TAFA1: variants seen among roughly 807,000 people sequenced by gnomAD.
The protein encoded by TAFA1 is TAFA chemokine like family member 1.
A neutral mutation model predicts 18.5 loss-of-function variants in TAFA1; 4 were observed. The observed-to-expected ratio is 0.22, with a 90% CI of 0.11 to 0.49. TAFA1 has a LOEUF of 0.49. TAFA1 is among the 20% of genes least tolerant of loss of function. The pLI is 0.98. For synonymous variants in TAFA1, 56 were observed against 55.2 expected (o/e 1.01, Z -0.06); for missense variants, 147 against 169.0 (o/e 0.87, Z 0.72).
chr3:68,149,168 A>C (rs866354472), intron 2 of TAFA1, among the ~76,000 whole-genome samples: 1 of 152,148 alleles, frequency 6.6e-6, no homozygotes, highest in African/African-American at 2.4e-5. Flanking sequence ...TGAAGCTTGG[A>C]GATATTAATA....
chr3:68,180,748 A>C (rs1277437937), intron 2 of TAFA1, among the ~76,000 whole-genome samples: 2 of 111,764 alleles, frequency 1.8e-5, no homozygotes, highest in African/African-American at 5.4e-5. Flanking sequence ...GAATAGCAAC[A>C]TCACCTATGT....
At chr3:68,159,643 G>A (rs1440474621) in intron 2 of TAFA1, among the ~76,000 whole-genome samples, 1 of 151,978 alleles carries the variant, frequency 6.6e-6, no homozygotes, top group East Asian at 1.9e-4. Context: ...GCAAATTCCA[G>A]AACAGAACTC....
intron 2 of TAFA1, among the ~76,000 whole-genome samples, chr3:68,373,874 C>T (rs530228015): frequency 6.6e-6 from 1 of 152,320 alleles, no homozygotes; most frequent in South Asian, 2.1e-4. Context: ...TTAGGACTCC[C>T]TTTCATGAGC....
intron 2 of TAFA1, among the ~76,000 whole-genome samples, chr3:68,225,638 A>G (rs1046720616): frequency 1.3e-5 from 2 of 152,194 alleles, no homozygotes; most frequent in Non-Finnish European, 2.9e-5. Flanking sequence ...CAGAGTAGGT[A>G]GCCAGAGTGG....
intron 2 of TAFA1, among the ~76,000 whole-genome samples, chr3:68,378,019 A>G (rs1463342200): frequency 2.6e-5 from 4 of 152,218 alleles, no homozygotes; most frequent in Non-Finnish European, 4.4e-5. Context: ...GTCCAGGCAG[A>G]AGTCTGCTTC....
In TAFA1 at chr3:68,245,286, G is replaced by C. The variant is rs1238721958; in HGVS notation, c.119-171994G>C. 5.9e-5 allele frequency among the ~76,000 whole-genome samples: 9 copies of C among 152,228 alleles called. No homozygotes were observed. In the East Asian group the frequency reaches 1.2e-3, roughly 20 times the overall value. The stretch of plus-strand genomic sequence containing the variant: ...GCACAGTTTTGCTCCCTTTTACTTG[G>C]TTTGTATTTAACAGAACTTCTTCCA... On this transcript the variant is annotated intron_variant, in intron 2 of 4. Coordinates refer to ENST00000478136, the MANE Select transcript of TAFA1 (RefSeq NM_213609.4).
chr3:68,271,347 T>G (rs1477103005), intron 2 of TAFA1, among the ~76,000 whole-genome samples: 3 of 152,072 alleles, frequency 2.0e-5, no homozygotes, highest in Admixed American at 6.6e-5. Context: ...TTTGCCTTAC[T>G]CACACTCCAT....
At chr3:68,117,861 A>G (rs1183452639) in intron 2 of TAFA1, among the ~76,000 whole-genome samples, 1 of 152,214 alleles carries the variant, frequency 6.6e-6, no homozygotes, top group Non-Finnish European at 1.5e-5. Flanking sequence ...TGCACAGCAT[A>G]CAATTTACTA....
At chr3:68,404,189 T>A (rs2070550674) in intron 2 of TAFA1, among the ~76,000 whole-genome samples, 1 of 152,138 alleles carries the variant, frequency 6.6e-6, no homozygotes, top group Non-Finnish European at 1.5e-5. Flanking sequence ...ATCCAGCTAA[T>A]AAAGGGTGGA....
At chr3:68,037,030 T>C (rs1017057240) in intron 2 of TAFA1, among the ~76,000 whole-genome samples, 1 of 152,204 alleles carries the variant, frequency 6.6e-6, no homozygotes, top group African/African-American at 2.4e-5. Flanking sequence ...TTGTTAGCTA[T>C]GTCACGATAA....
chr3:68,137,351 T>C (rs2065621087), intron 2 of TAFA1, among the ~76,000 whole-genome samples: 1 of 152,176 alleles, frequency 6.6e-6, no homozygotes, highest in Admixed American at 6.5e-5. Flanking sequence ...CCTTCAATGT[T>C]TTGGCTTTCT....
intron 3 of TAFA1, among the ~76,000 whole-genome samples, chr3:68,461,997 G>A (rs1359884821): frequency 1.3e-5 from 2 of 152,084 alleles, no homozygotes; most frequent in Non-Finnish European, 2.9e-5. Context: ...TAGTGATTGT[G>A]AGGCATTGAT....
At chr3:68,363,013 C>T (rs1238311226) in intron 2 of TAFA1, among the ~76,000 whole-genome samples, 1 of 96,118 alleles carries the variant, frequency 1.0e-5, no homozygotes, top group African/African-American at 4.1e-5. Context: ...TACAGTTTAA[C>T]TGTCCTGACT....
intron 3 of TAFA1, among the ~76,000 whole-genome samples, chr3:68,423,726 C>G (rs951844320): frequency 2.2e-4 from 32 of 147,902 alleles, no homozygotes; most frequent in Admixed American, 6.9e-5. Context: ...GCAGTTTTCT[C>G]TATTTAGGAT....
intron 2 of TAFA1, among the ~76,000 whole-genome samples, chr3:68,335,682 T>G (rs2068958773): frequency 6.6e-6 from 1 of 152,184 alleles, no homozygotes; most frequent in East Asian, 1.9e-4. Flanking sequence ...ATCCCAACTT[T>G]GGTAGGTTGA....
chr3:68,228,767 G>T (rs895994717), intron 2 of TAFA1, among the ~76,000 whole-genome samples: 3 of 152,180 alleles, frequency 2.0e-5, no homozygotes, highest in African/African-American at 7.2e-5. Context: ...TGGGAAATAT[G>T]CCAAGACTGG....
chr3:68,104,918 A>G (rs552656377), intron 2 of TAFA1, among the ~76,000 whole-genome samples: 1 of 152,242 alleles, frequency 6.6e-6, no homozygotes, highest in African/African-American at 2.4e-5. Context: ...TAATTTATAA[A>G]GAAAAGAGGT....
Position 68,303,672 on chromosome 3 carries a change from AT to A in TAFA1, c.119-113607del, listed in dbSNP as rs558276293. ...CACTGTGTTAGCCGGGATGGTCTTG[AT>A]CTCCTGACCTCGTGATCCGCCCGCC... On this transcript the variant is annotated intron_variant, in intron 2 of 4. Transcript: ENST00000478136. Among the ~76,000 whole-genome samples, 453 of 152,092 alleles carry A rather than the reference AT, an allele frequency of 3.0e-3. 1 individual carries two copies. Among genetic ancestry groups the A allele is most frequent in the Non-Finnish European group, 5.2e-3 (356 of 67,990 alleles).
intron 3 of TAFA1, among the ~76,000 whole-genome samples, chr3:68,462,309 G>C (rs755427060): frequency 6.6e-6 from 1 of 152,114 alleles, no homozygotes; most frequent in Non-Finnish European, 1.5e-5. Context: ...GACCTGGTGA[G>C]GGGTAATCGA....
Sources: gnomAD v4.1 joint callset for allele counts (sites outside exome capture counted in the v4.1 genomes callset) on GRCh38, gnomAD v4.1.1 for gene constraint, MANE v1.5 for transcripts, NCBI Gene and HGNC (gene_info 2026-07-23, HGNC 2026-07-21) for gene names.